Variants in COL4A3 observed in about 807,000 individuals in gnomAD.
The protein encoded by COL4A3 is collagen type IV alpha 3 chain, also known as collagen alpha-3(IV) chain.
COL4A3 carries 135 observed loss-of-function variants against 217.4 expected under a neutral mutation model. The ratio of observed to expected loss-of-function variants is 0.62; its 90% CI spans 0.54 to 0.72. The LOEUF (loss-of-function observed/expected upper bound fraction) is 0.72. Among genes scored for constraint, COL4A3 ranks in the 30% least tolerant of loss-of-function variants. COL4A3 has a pLI of 0.00. For synonymous variants in COL4A3, 690 were observed against 736.3 expected, an observed-to-expected ratio of 0.94 and a Z score of 1.02; for missense variants, 1,868 against 2,119.9, an observed-to-expected ratio of 0.88 and a Z score of 2.33.
intron 38 of COL4A3, chr2:227,293,889 G>A (rs1458508348): frequency 2.3e-6 from 1 of 426,996 alleles, no homozygotes; most frequent in African/African-American, 2.1e-5. Context: ...ACTCACATTG[G>A]ATTAGGGCCC....
chr2:227,229,206 A>G (rs1010628634), intron 1 of COL4A3, among the ~76,000 whole-genome samples: 1 of 152,098 alleles, frequency 6.6e-6, no homozygotes, highest in Admixed American at 6.5e-5. Context: ...GTGAGACCCA[A>G]TTGATCCGCA....
intron 30 of COL4A3, 70 bp downstream of exon 30, chr2:227,280,660 G>A (rs531988959): frequency 6.5e-7 from 1 of 1,527,690 alleles, no homozygotes; most frequent in East Asian, 2.2e-5. Context: ...TGAATGTGAA[G>A]GTGTTCTAGG....
chr2:227,294,490 G>C lies in COL4A3; in HGVS notation c.3338G>C (p.Gly1113Ala), dbSNP rs570327652. 6.2e-7 allele frequency: 1 copy of C among 1,607,498 alleles called. No homozygotes were observed. The highest frequency in any genetic ancestry group is 1.1e-5 in the South Asian group (1 of 90,934). The change falls in exon 39 of 52, where the codon GGA (glycine) becomes GCA (alanine). Residue 1113 changes from glycine to alanine, a missense_variant and splice_region_variant. Around this residue, in one of 2 missense-constraint regions of COL4A3, gnomAD observed 1,503 missense variants for 1,786.1 expected, o/e 0.84. Transcript: ENST00000396578. ...TTCCTTCCCCTCTCTTCATTTCCAG[G>C]AAAGCCAGGTCCTCATGGTGATTTG... is the stretch of plus-strand genomic sequence containing the variant. ...PGSPGSPGLPGKPGPHGDLGF... is the reference protein window; with the variant it reads ...PGSPGSPGLPAKPGPHGDLGF...
At chr2:227,309,103 A>G (rs2073635890) in intron 49 of COL4A3, 27 bp downstream of exon 49, 1 of 1,613,150 alleles carries the variant, frequency 6.2e-7, no homozygotes, top group Non-Finnish European at 8.5e-7. Flanking sequence ...CTAGTTTTAC[A>G]ATGGGACCAA....
intron 1 of COL4A3, among the ~76,000 whole-genome samples, chr2:227,182,872 A>C (rs182221891): frequency 6.6e-6 from 1 of 152,226 alleles, no homozygotes; most frequent in East Asian, 1.9e-4. Flanking sequence ...CAACATTTGC[A>C]ATGTGTTTAA....
At chr2:227,206,275 T>C (rs1185246027) in intron 1 of COL4A3, among the ~76,000 whole-genome samples, 3 of 152,172 alleles carry the variant, frequency 2.0e-5, no homozygotes, top group African/African-American at 7.2e-5. Flanking sequence ...GGTTTCACCA[T>C]GTTGGCCAGG....
chr2:227,191,850 C>T lies in COL4A3; in HGVS notation c.87+27037C>T, dbSNP rs570446219. Among the ~76,000 whole-genome samples, 297 of 152,246 alleles carry T rather than the reference C, an allele frequency of 2.0e-3. No individual in the cohort carries two copies. Among genetic ancestry groups the T allele is most frequent in the African/African-American group, 6.7e-3 (279 of 41,538 alleles). ...AAGAACTTAGAATATTACAGATTCT[C>T]TTACAAAACACAAAGACCTTGGAAT... On this transcript the variant is annotated intron_variant, in intron 1 of 51. Coordinates refer to ENST00000396578, the MANE Select transcript of COL4A3 (RefSeq NM_000091.5). The surrounding 1 kb of genome is among the most constrained non-coding windows in gnomAD (Gnocchi z 6.8).
intron 1 of COL4A3, among the ~76,000 whole-genome samples, chr2:227,196,931 G>T (rs1265005557): frequency 6.6e-6 from 1 of 152,144 alleles, no homozygotes; most frequent in Non-Finnish European, 1.5e-5. Flanking sequence ...ATTCCCACAC[G>T]TTGTGAGAGG....
rs187950806 is a variant in COL4A3, at chr2:227,240,220, G to T, written c.222G>T (p.Pro74=). 2,288 of 1,609,860 alleles carry T rather than the reference G, an allele frequency of 1.4e-3. 9 individuals are homozygous for T. Among genetic ancestry groups the T allele is most frequent in the Middle Eastern group, 0.014 (83 of 6,056 alleles). The change falls in exon 3 of 52, where the codon CCG becomes CCT. Residue 74 remains proline (P), a synonymous_variant. Transcript: ENST00000396578. ...GFTGPEGLPG[P]QGPKGFPGLP... ...CAGGTCCTGAAGGCTTGCCTGGACC[G>T]CAGGGACCCAAGGTATGTCATCCTG...
intron 35 of COL4A3, 114 bp downstream of exon 35, chr2:227,289,362 G>A (rs2072539560): frequency 2.2e-6 from 2 of 909,728 alleles, no homozygotes; most frequent in African/African-American, 1.7e-5. Context: ...TTCTGATAGT[G>A]TTCCAGCAGA....
Position 227,256,304 on chromosome 2 carries a change from T to C in COL4A3, c.934-39T>C, listed in dbSNP as rs774655459. On this transcript the variant is annotated intron_variant, in intron 16 of 51. Transcript: ENST00000396578. ...TGCTCCCCCAGAAGAAGTTGGCTCC[T>C]GTGTCTTCTGACCCATTTCTTTTTG... 3.1e-6 allele frequency: 5 copies of C among 1,595,924 alleles called. No individual in the cohort carries two copies. The East Asian group carries it at 8.9e-5, about 29-fold the overall frequency.
At position 227,284,218 on chromosome 2, in the gene COL4A3, T is replaced by C. The variant is rs1461848003; in HGVS notation, c.2754T>C (p.Pro918=). Residue 918 remains proline, a synonymous_variant, in exon 34 of 52, where the codon CCT becomes CCC. Coordinates refer to ENST00000396578, the MANE Select transcript of COL4A3 (RefSeq NM_000091.5). The stretch of plus-strand genomic sequence containing the variant: ...GTTACTCCTGTCTGTTAGGGAGCCC[T>C]GGAATTCCAGGAGTAAAGGGCCAGA... The part of the protein sequence containing the change: ...NPGTPGQRGS[P]GIPGVKGQRG... 6.2e-7 allele frequency: 1 copy of C among 1,613,910 alleles called. No homozygotes were observed. Among genetic ancestry groups the C allele is most frequent in the Non-Finnish European group, 8.5e-7 (1 of 1,179,988 alleles).
intron 1 of COL4A3, among the ~76,000 whole-genome samples, chr2:227,205,096 CA>C (rs1169419122): frequency 1.3e-5 from 2 of 151,980 alleles, no homozygotes; most frequent in Non-Finnish European, 2.9e-5. Flanking sequence ...GGTTACTTTA[CA>C]AAAAAATTAG....
At chr2:227,181,779 C>T (rs2065874023) in intron 1 of COL4A3, among the ~76,000 whole-genome samples, 1 of 152,024 alleles carries the variant, frequency 6.6e-6, no homozygotes, top group South Asian at 2.1e-4. Context: ...ATGTTTTTAA[C>T]AAGGCTATGA....
In COL4A3 at chr2:227,285,277, T is replaced by TAAAAAAAAAAAAA. The variant is rs764697409; in HGVS notation, c.2881+947_2881+959dup. 1.6e-3 allele frequency among the ~76,000 whole-genome samples: 115 copies of TAAAAAAAAAAAAA among 72,368 alleles called. 6 individuals are homozygous for TAAAAAAAAAAAAA. The highest frequency in any genetic ancestry group is 6.4e-3 in the African/African-American group (114 of 17,688). 47.5% of individuals were successfully genotyped at this position (72,368 alleles called of 152,430 possible). On this transcript the variant is annotated intron_variant, in intron 34 of 51. Transcript: ENST00000396578. ...AAACCTTCACATGTACTGCCAAACC[T>TAAAAAAAAAAAAA]AAAAAAAAAAAAAAAAAAAAAAAAA...
At chr2:227,179,054 C>T (rs996042081) in intron 1 of COL4A3, among the ~76,000 whole-genome samples, 21 of 152,188 alleles carry the variant, frequency 1.4e-4, no homozygotes, top group Non-Finnish European at 2.8e-4. Context: ...CAGGCTCAAG[C>T]AATCCTCCCT....
intron 1 of COL4A3, among the ~76,000 whole-genome samples, chr2:227,209,533 T>A (rs747862785): frequency 8.5e-5 from 13 of 152,146 alleles, no homozygotes; most frequent in Non-Finnish European, 1.8e-4. Context: ...CTCCTCTGTG[T>A]TAGAACATTA....
rs1163931367 is a variant in COL4A3 at position 227,191,549 on chromosome 2, C to T, written c.87+26736C>T. 6.6e-6 allele frequency among the ~76,000 whole-genome samples: 1 copy of T among 152,116 alleles called. No homozygotes were observed. Among genetic ancestry groups the T allele is most frequent in the African/African-American group, 2.4e-5 (1 of 41,426 alleles). On this transcript the variant is annotated intron_variant, in intron 1 of 51. Transcript: ENST00000396578. The surrounding 1 kb of genome is among the most constrained non-coding windows in gnomAD (Gnocchi z 6.8). ...TCCCCGCATCAAGGATTCAAAGAAC[C>T]TGCCAAGGGGCTGCAATGGGAGATT...
At chr2:227,195,663 A>ATGTGTGTGTGTGTGTGTG (rs1367563699) in intron 1 of COL4A3, among the ~76,000 whole-genome samples, 1 of 79,682 alleles carries the variant, frequency 1.3e-5, no homozygotes, top group African/African-American at 5.9e-5. Flanking sequence ...ACATATATAT[A>ATGTGTGTGTGTGTGTGTG]TATATGTGTG....
Sources: gnomAD v4.1 joint callset for allele counts (sites outside exome capture counted in the v4.1 genomes callset) on GRCh38, gnomAD v4.1.1 for gene constraint, gnomAD v4.1.1 regional missense constraint, Gnocchi (gnomAD v3.1) non-coding constraint, MANE v1.5 for transcripts, NCBI Gene and HGNC (gene_info 2026-07-23, HGNC 2026-07-21) for gene names.